RNLS: variants seen among roughly 807,000 people sequenced by gnomAD.
The protein encoded by RNLS is renalase, FAD dependent amine oxidase, also known as renalase.
RNLS carries 39 observed loss-of-function variants against 39.8 expected under a neutral mutation model. The ratio of observed to expected loss-of-function variants is 0.98; its 90% CI spans 0.76 to 1.28. RNLS has a LOEUF of 1.28. Ranked by LOEUF, RNLS falls within the 50% of genes most tolerant of loss-of-function variation. The probability of loss-of-function intolerance (pLI) is 0.00; values close to 1 mark genes in which losing one functional copy is unlikely to be tolerated. For missense variants in RNLS, 410 were observed against 413.3 expected, an observed-to-expected ratio of 0.99 and a Z score of 0.07; for synonymous variants, 147 against 150.7, an observed-to-expected ratio of 0.98 and a Z score of 0.18.
chr10:88,283,952 C>T (rs1843115230), downstream of RNLS: 2 of 192,868 alleles, frequency 1.0e-5, no homozygotes, highest in Non-Finnish European at 1.9e-5. Context: ...TGTATCCCTA[C>T]ATTTAAAATT....
At chr10:88,495,714 G>T (rs1536252) in intron 4 of RNLS, among the ~76,000 whole-genome samples, 1 of 152,052 alleles carries the variant, frequency 6.6e-6, no homozygotes, top group African/African-American at 2.4e-5. Flanking sequence ...GTGGGGCAGG[G>T]ATGGGATGAG....
At chr10:88,220,143 A>G in the RNLS span, among the ~76,000 whole-genome samples, 54 of 152,340 alleles carry the variant, frequency 3.5e-4, no homozygotes, top group African/African-American at 1.3e-3. Context: ...ACAGTTGAGG[A>G]GGCTGAAAAT....
intron 4 of RNLS, among the ~76,000 whole-genome samples, chr10:88,559,907 T>C (rs1272168495): frequency 6.6e-6 from 1 of 152,092 alleles, no homozygotes; most frequent in Non-Finnish European, 1.5e-5. Flanking sequence ...AAAAATGGCC[T>C]GGTCTTGGGG....
intron 4 of RNLS, among the ~76,000 whole-genome samples, chr10:88,500,514 T>G (rs1713053628): frequency 6.6e-6 from 1 of 152,182 alleles, no homozygotes; most frequent in Admixed American, 6.6e-5. Flanking sequence ...ATTTTTTAGT[T>G]GCATTTCAAC....
exon 7 of RNLS, chr10:88,274,197 T>C (rs1218648382): frequency 3.3e-5 from 5 of 152,200 alleles, no homozygotes; most frequent in Non-Finnish European, 7.4e-5. Flanking sequence ...TAAATATACA[T>C]AACATAAAAG....
At chr10:88,355,263 G>T (rs950893303) in intron 5 of RNLS, among the ~76,000 whole-genome samples, 3 of 152,214 alleles carry the variant, frequency 2.0e-5, no homozygotes, top group African/African-American at 7.2e-5. Flanking sequence ...GTGAGGAGCT[G>T]CATTCCTTTG....
intron 4 of RNLS, among the ~76,000 whole-genome samples, chr10:88,503,932 A>G (rs139058800): frequency 0.015 from 2,267 of 152,266 alleles, 32 homozygotes; most frequent in Non-Finnish European, 0.025. Flanking sequence ...CTCTCTCATC[A>G]TATTCTACAG....
chr10:88,459,720 G>C (rs796136590), intron 4 of RNLS, among the ~76,000 whole-genome samples: 1 of 152,160 alleles, frequency 6.6e-6, no homozygotes, highest in African/African-American at 2.4e-5. Flanking sequence ...ACAATGTGAT[G>C]CTCCATTGAC....
At chr10:88,381,929 T>C (rs1436427487) in intron 4 of RNLS, among the ~76,000 whole-genome samples, 1 of 152,012 alleles carries the variant, frequency 6.6e-6, no homozygotes, top group Non-Finnish European at 1.5e-5. Flanking sequence ...ACAAATTATA[T>C]GAAGTTCAAA....
intron 4 of RNLS, among the ~76,000 whole-genome samples, chr10:88,392,514 T>C (rs145961630): frequency 2.0e-5 from 3 of 152,332 alleles, no homozygotes; most frequent in Non-Finnish European, 4.4e-5. Context: ...GGAGGACTTG[T>C]GAGCTCCAGG....
chr10:88,205,390 A>C, the RNLS span, among the ~76,000 whole-genome samples: 1 of 152,182 alleles, frequency 6.6e-6, no homozygotes, highest in East Asian at 1.9e-4. Context: ...TGTGAACGAC[A>C]CAGAGGACAC....
chr10:88,185,976 A>G, the RNLS span, among the ~76,000 whole-genome samples: 1 of 152,206 alleles, frequency 6.6e-6, no homozygotes, highest in Non-Finnish European at 1.5e-5. Flanking sequence ...CAGGTCCCCA[A>G]ACTCTTCTTT....
chr10:88,497,544 A>AACAT (rs753476706), intron 4 of RNLS, among the ~76,000 whole-genome samples: 19 of 152,074 alleles, frequency 1.2e-4, no homozygotes, highest in Non-Finnish European at 2.2e-4. Flanking sequence ...AATAAATGCC[A>AACAT]TGATTTAAAA....
At chr10:88,282,478 TACACACACACACACAC>T (rs60829171), downstream of RNLS, among the ~76,000 whole-genome samples, 2,038 of 142,992 alleles carry the variant, frequency 0.014, 27 homozygotes, top group East Asian at 0.05. Flanking sequence ...AAAGTGAAAA[TACACACACACACACAC>T]ACACACACAC....
chr10:88,471,981 G>T (rs898791264), intron 4 of RNLS, among the ~76,000 whole-genome samples: 1 of 151,864 alleles, frequency 6.6e-6, no homozygotes, highest in Non-Finnish European at 1.5e-5. Context: ...AAATCACATC[G>T]TCAGGATAAA....
chr10:88,231,065 ATTTCTCCCTCCTT>A, the RNLS span, among the ~76,000 whole-genome samples: 1 of 151,954 alleles, frequency 6.6e-6, no homozygotes, highest in Admixed American at 6.6e-5. Context: ...AATTACTGCA[ATTTCTCCCTCCTT>A]TTTAATCATA....
At position 88,394,658 on chromosome 10, in the gene RNLS, T is replaced by C. The variant is rs532575845; in HGVS notation, c.527-31933A>G. On this transcript the variant is annotated intron_variant, in intron 4 of 6. Transcript: ENST00000331772. The stretch of plus-strand genomic sequence containing the variant: ...TGGCGATTCCTCAGGGATCTAGAAC[T>C]AGAAATACCATTTGACCCAGCCATC... 2.0e-5 allele frequency among the ~76,000 whole-genome samples: 3 copies of C among 151,848 alleles called. No individual in the cohort carries two copies. The East Asian group carries it at 5.8e-4, about 29-fold the overall frequency.
intron 5 of RNLS, among the ~76,000 whole-genome samples, chr10:88,342,560 C>T (rs534273608): frequency 1.3e-5 from 2 of 152,210 alleles, no homozygotes; most frequent in Admixed American, 1.3e-4. Context: ...TTTCTTAATT[C>T]ATGGACCTTA....
the RNLS span, among the ~76,000 whole-genome samples, chr10:88,235,450 A>C: frequency 6.6e-6 from 1 of 152,178 alleles, no homozygotes; most frequent in African/African-American, 2.4e-5. Flanking sequence ...CAGCTGAAAC[A>C]AAACACCAAG....
Sources: gnomAD v4.1 joint callset for allele counts (sites outside exome capture counted in the v4.1 genomes callset) on GRCh38, gnomAD v4.1.1 for gene constraint, MANE v1.5 for transcripts, NCBI Gene and HGNC (gene_info 2026-07-23, HGNC 2026-07-21) for gene names.